SRRM4: variants seen among roughly 807,000 people sequenced by gnomAD.
The protein encoded by SRRM4 is serine/arginine repetitive matrix protein 4.
A neutral mutation model predicts 68.9 loss-of-function variants in SRRM4; 33 were observed. That is an observed-to-expected ratio of 0.48 (90% CI 0.36 to 0.64). The LOEUF (loss-of-function observed/expected upper bound fraction) is 0.64, where lower values mean the gene tolerates loss of function less well. Ranked by LOEUF, SRRM4 falls within the 30% of genes least tolerant of loss-of-function variation. The pLI is 0.00. For synonymous variants in SRRM4, 318 were observed against 318.8 expected, an observed-to-expected ratio of 1.00 and a Z score of 0.03; for missense variants, 817 against 827.1, an observed-to-expected ratio of 0.99 and a Z score of 0.15.
At chr12:119,090,647 C>A (rs898060634) in intron 1 of SRRM4, among the ~76,000 whole-genome samples, 1 of 152,156 alleles carries the variant, frequency 6.6e-6, no homozygotes, top group Admixed American at 6.5e-5. Context: ...AGGATCTGAC[C>A]AACAGCATCC....
rs61938010 is a variant in SRRM4 at position 119,081,377 on chromosome 12, G to A, written c.132-20859G>A. 4.0e-4 allele frequency among the ~76,000 whole-genome samples: 61 copies of A among 152,188 alleles called. 1 individual carries two copies. The highest frequency in any genetic ancestry group is 3.2e-3 in the Middle Eastern group (1 of 316). On this transcript the variant is annotated intron_variant, in intron 1 of 12. Transcript: ENST00000267260. ...ACTTGAAGAAAGTAAGGAAGTTGTAGCTATTTGGAGAAAGAGTGTTCTAGG... is the reference window on the plus strand; with the variant it reads ...ACTTGAAGAAAGTAAGGAAGTTGTAACTATTTGGAGAAAGAGTGTTCTAGG...
At chr12:119,143,656 A>G (rs2136064655) in intron 8 of SRRM4, among the ~76,000 whole-genome samples, 1 of 152,252 alleles carries the variant, frequency 6.6e-6, no homozygotes, top group South Asian at 2.1e-4. Context: ...CCTCAGCCTG[A>G]ACATCCAAGT....
chr12:119,122,244 A>AAGGC, intron 6 of SRRM4, 124 bp downstream of exon 6: 2 of 375,190 alleles, frequency 5.3e-6, no homozygotes, highest in East Asian at 9.4e-5. Context: ...GAGCGGGTGA[A>AAGGC]AGGAAGGCAG....
chr12:119,145,410 C>T lies in SRRM4; in HGVS notation c.801C>T (p.Leu267=). 1.9e-6 allele frequency: 3 copies of T among 1,606,130 alleles called. No individual in the cohort carries two copies. Among genetic ancestry groups the T allele is most frequent in the South Asian group, 1.1e-5 (1 of 89,338 alleles). The part of the protein sequence containing the change: ...VITGSGSAAD[L]FTKTASPLTT... ...CTGGGTCGGGGTCTGCTGCTGACCTCTTTACCAAAACAGCCAGCCCGCTCA... is the reference window on the plus strand; with the variant it reads ...CTGGGTCGGGGTCTGCTGCTGACCTTTTTACCAAAACAGCCAGCCCGCTCA... The change falls in exon 9 of 13, where the codon CTC becomes CTT. Residue 267 remains leucine, a synonymous_variant. Transcript: ENST00000267260.
At chr12:118,992,745 C>A (rs994215673) in intron 1 of SRRM4, among the ~76,000 whole-genome samples, 47 of 152,122 alleles carry the variant, frequency 3.1e-4, no homozygotes, top group African/African-American at 1.1e-3. Context: ...GCCAGGGGGA[C>A]CTTCAGAACT....
chr12:118,983,526 A>G (rs573029670), intron 1 of SRRM4, among the ~76,000 whole-genome samples: 1 of 152,330 alleles, frequency 6.6e-6, no homozygotes, highest in Admixed American at 6.5e-5. Context: ...TCTGCTATCT[A>G]TTCCACCTTT....
intron 8 of SRRM4, among the ~76,000 whole-genome samples, chr12:119,138,111 G>A (rs1565917287): frequency 6.6e-6 from 1 of 152,120 alleles, no homozygotes; most frequent in Admixed American, 6.5e-5. Flanking sequence ...CCATCTAAAA[G>A]GGGCAGCTGT....
In SRRM4 at chr12:119,146,394, G is replaced by A. The variant is rs148419670; in HGVS notation, c.1076+709G>A. On this transcript the variant is annotated intron_variant, in intron 9 of 12. Coordinates refer to ENST00000267260, the MANE Select transcript of SRRM4 (RefSeq NM_194286.4). ...CTGAGGTCAGGAGTTCGAGACCGGC[G>A]TGACCAACATGGAGAAACCCTGTCT... Among the ~76,000 whole-genome samples, 905 of 150,034 alleles carry A rather than the reference G, an allele frequency of 6.0e-3. 11 individuals carry two copies. Among genetic ancestry groups the A allele is most frequent in the African/African-American group, 0.021 (867 of 40,780 alleles).
intron 1 of SRRM4, among the ~76,000 whole-genome samples, chr12:119,011,486 G>T (rs1953449263): frequency 6.6e-6 from 1 of 152,142 alleles, no homozygotes; most frequent in African/African-American, 2.4e-5. Flanking sequence ...GAGCAAAGTT[G>T]CCACTGGTTG....
chr12:118,982,085 G>T, intron 1 of SRRM4, 72 bp downstream of exon 1: 1 of 1,511,920 alleles, frequency 6.6e-7, no homozygotes, highest in South Asian at 1.3e-5. Context: ...GAGCCCGGAG[G>T]GGTGGATGCA....
At chr12:119,065,403 G>A (rs1049668130) in intron 1 of SRRM4, among the ~76,000 whole-genome samples, 1 of 152,104 alleles carries the variant, frequency 6.6e-6, no homozygotes, top group Non-Finnish European at 1.5e-5. Context: ...GAACTATGTA[G>A]GACCTAACAC....
intron 9 of SRRM4, among the ~76,000 whole-genome samples, 182 bp from the exon 10 acceptor site, chr12:119,150,835 T>C (rs1381680617): frequency 6.6e-6 from 1 of 152,196 alleles, no homozygotes; most frequent in East Asian, 1.9e-4. Flanking sequence ...TAAGGTATCT[T>C]CTGTCTCTAC....
At chr12:119,046,200 GGGAGCAGT>G (rs1953706549) in intron 1 of SRRM4, among the ~76,000 whole-genome samples, 1 of 152,106 alleles carries the variant, frequency 6.6e-6, no homozygotes, top group Admixed American at 6.5e-5. Context: ...CAGAGTGAAG[GGGAGCAGT>G]GGTCCTATCT....
In SRRM4 at chr12:119,065,810, T is replaced by C. The variant is rs182117186; in HGVS notation, c.132-36426T>C. ...GTGGTTGAATGGATGCATGGATGGA[T>C]GGATGGATGGACAGATAGATGGATG... is the stretch of plus-strand genomic sequence containing the variant. On this transcript the variant is annotated intron_variant, in intron 1 of 12. Coordinates refer to ENST00000267260, the MANE Select transcript of SRRM4 (RefSeq NM_194286.4). Among the ~76,000 whole-genome samples the C allele has an allele frequency of 4.0e-3, 612 of 152,120 alleles. 5 individuals carry two copies. Among genetic ancestry groups the C allele is most frequent in the South Asian group, 0.032 (154 of 4,814 alleles).
intron 1 of SRRM4, among the ~76,000 whole-genome samples, chr12:119,010,467 A>G (rs1307215925): frequency 6.6e-6 from 1 of 152,176 alleles, no homozygotes; most frequent in African/African-American, 2.4e-5. Context: ...CCACTTTGAG[A>G]GTTCTCTTTG....
chr12:119,026,638 T>G (rs1953550400), intron 1 of SRRM4, among the ~76,000 whole-genome samples: 1 of 152,118 alleles, frequency 6.6e-6, no homozygotes, highest in African/African-American at 2.4e-5. Context: ...AACCTCCGCC[T>G]CCCAGGTTCA....
chr12:119,156,791 G>A lies in SRRM4; in HGVS notation c.1829G>A (p.Arg610Lys). 1.3e-6 allele frequency: 2 copies of A among 1,528,940 alleles called. No individual in the cohort carries two copies. Among genetic ancestry groups the A allele is most frequent in the East Asian group, 4.9e-5 (2 of 40,608 alleles). 94.7% of individuals were successfully genotyped at this position (1,528,940 alleles called of 1,614,324 possible). A position where few individuals can be genotyped will look rare whatever the true frequency, so the allele number is the denominator to read the frequency against. The change falls in exon 13 of 13, where the codon AGG (arginine) becomes AAG (lysine). Residue 610 changes from arginine (R) to lysine (K), a missense_variant. Transcript: ENST00000267260. ...YSSADSYSSTRR is the reference protein window; with the variant it reads ...YSSADSYSSTKR ...TCAGCAGACAGCTACTCCAGCACGA[G>A]GCGCTAAGTGCCCCTGAGCCAGCTG...
At chr12:119,058,721 C>A (rs1457760288) in intron 1 of SRRM4, among the ~76,000 whole-genome samples, 1 of 152,168 alleles carries the variant, frequency 6.6e-6, no homozygotes, top group East Asian at 1.9e-4. Context: ...TGGAGACAAG[C>A]CAGTTACTGT....
intron 7 of SRRM4, among the ~76,000 whole-genome samples, chr12:119,126,505 A>G (rs1443997432): frequency 6.6e-6 from 1 of 152,196 alleles, no homozygotes; most frequent in Non-Finnish European, 1.5e-5. Context: ...TCTAGACTTC[A>G]CTAAGGGACC....
Sources: allele counts gnomAD v4.1 joint callset (sites outside exome capture counted in the v4.1 genomes callset), GRCh38; gene constraint gnomAD v4.1.1; transcripts MANE v1.5; gene names NCBI Gene and HGNC (gene_info 2026-07-23, HGNC 2026-07-21).